The following WWOX variants were observed in gnomAD, a reference collection of about 807,000 sequenced individuals.
WWOX encodes WW domain-containing oxidoreductase.
In WWOX, 69 loss-of-function variants were observed where a neutral mutation model predicts 46.2. The observed-to-expected ratio is 1.49, with a 90% confidence interval of 1.23 to 1.82. WWOX has a LOEUF of 1.82. Among genes scored for constraint, WWOX ranks in the 40% most tolerant of loss-of-function variants. The pLI is 0.00. For missense variants in WWOX, 919 were observed against 542.6 expected (o/e 1.69, Z -6.89); for synonymous variants, 359 against 202.6 (o/e 1.77, Z -6.56).
chr16:78,124,422 A>G (rs1281098098), intron 4 of WWOX: 3 of 152,318 alleles, frequency 2.0e-5, no homozygotes, highest in Middle Eastern at 3.4e-3. Flanking sequence ...TTGGTATGAC[A>G]CAGACCTTCT....
chr16:78,938,057 A>T (rs1019586697), intron 8 of WWOX, among the ~76,000 whole-genome samples: 4 of 152,186 alleles, frequency 2.6e-5, no homozygotes, highest in African/African-American at 7.2e-5. Context: ...CACTTTCCCA[A>T]GTCTGGGCAG....
intron 8 of WWOX, among the ~76,000 whole-genome samples, chr16:78,996,688 A>G (rs903213062): frequency 6.6e-6 from 1 of 152,166 alleles, no homozygotes; most frequent in Non-Finnish European, 1.5e-5. Flanking sequence ...CAATATGGCA[A>G]ATATGGCCAG....
At chr16:78,678,075 C>G (rs1280886769) in intron 8 of WWOX, among the ~76,000 whole-genome samples, 1 of 152,184 alleles carries the variant, frequency 6.6e-6, no homozygotes, top group African/African-American at 2.4e-5. Context: ...TTTAATCTGT[C>G]TACTTGCTAA....
rs373972398 is a variant in WWOX, at chr16:78,636,457, C to G, written c.1056+203705C>G. Among the ~76,000 whole-genome samples the G allele has an allele frequency of 4.8e-4, 73 of 152,260 alleles. No individual in the cohort carries two copies. The South Asian group carries it at 0.014, about 29-fold the overall frequency. ...GAATAGTTGTTGCAAATGATAAGCT[C>G]TTTTGAATAAACTGATACTGACTTA... On this transcript the variant is annotated intron_variant, in intron 8 of 8. Transcript: ENST00000566780.
At chr16:78,109,390 A>G (rs147756846) in intron 2 of WWOX, among the ~76,000 whole-genome samples, 1 of 152,174 alleles carries the variant, frequency 6.6e-6, no homozygotes, top group Admixed American at 6.5e-5. Context: ...ACATGTGCAC[A>G]TGAAAAAAAA....
chr16:78,970,811 A>G (rs1350301955), intron 8 of WWOX, among the ~76,000 whole-genome samples: 2 of 152,144 alleles, frequency 1.3e-5, no homozygotes, highest in South Asian at 2.1e-4. Flanking sequence ...AAAAGGGAGT[A>G]TGTTGGTTCA....
At chr16:78,815,796 A>G (rs565694309) in intron 8 of WWOX, among the ~76,000 whole-genome samples, 2 of 152,320 alleles carry the variant, frequency 1.3e-5, no homozygotes, top group Non-Finnish European at 2.9e-5. Context: ...CCAGTGTTTC[A>G]GTGACCCTCC....
intron 8 of WWOX, among the ~76,000 whole-genome samples, chr16:78,952,483 G>A (rs527824585): frequency 1.3e-5 from 2 of 151,400 alleles, no homozygotes; most frequent in South Asian, 4.2e-4. Context: ...CCCAGGTTCA[G>A]GCGATTCTCC....
intron 8 of WWOX, among the ~76,000 whole-genome samples, chr16:78,680,062 G>A (rs1415425047): frequency 6.6e-6 from 1 of 152,214 alleles, no homozygotes; most frequent in East Asian, 1.9e-4. Flanking sequence ...CATCTGTAAA[G>A]TAGGGATAAC....
chr16:78,873,198 T>C (rs1436150964), intron 8 of WWOX: 1 of 152,216 alleles, frequency 6.6e-6, no homozygotes, highest in Non-Finnish European at 1.5e-5. Flanking sequence ...GCACTTATTA[T>C]GTATGTGCTT....
intron 8 of WWOX, among the ~76,000 whole-genome samples, chr16:79,164,188 C>G (rs985181013): frequency 1.3e-5 from 2 of 152,146 alleles, no homozygotes; most frequent in Admixed American, 6.5e-5. Context: ...ACTTTCATGT[C>G]TGTTTGACGT....
chr16:79,063,637 C>G (rs1474809437), intron 8 of WWOX, among the ~76,000 whole-genome samples: 8 of 152,214 alleles, frequency 5.3e-5, no homozygotes, highest in African/African-American at 1.9e-4. Flanking sequence ...GAAACACTGA[C>G]TCTTGCGCGC....
intron 8 of WWOX, among the ~76,000 whole-genome samples, chr16:78,641,016 C>T (rs757658200): frequency 6.6e-6 from 1 of 151,636 alleles, no homozygotes; most frequent in Non-Finnish European, 1.5e-5. Context: ...GGAAAGGAAC[C>T]AGCTGCAAAA....
intron 5 of WWOX, among the ~76,000 whole-genome samples, chr16:78,318,443 T>A (rs1001285286): frequency 6.6e-6 from 1 of 151,662 alleles, no homozygotes; most frequent in African/African-American, 2.4e-5. Context: ...CTGTCAAAAA[T>A]AATATTATTC....
intron 8 of WWOX, among the ~76,000 whole-genome samples, chr16:78,961,044 C>A (rs187443441): frequency 6.6e-6 from 1 of 152,122 alleles, no homozygotes; most frequent in African/African-American, 2.4e-5. Context: ...CTCCATACAT[C>A]TGGGCATGAT....
intron 5 of WWOX, among the ~76,000 whole-genome samples, chr16:78,282,520 G>C (rs1163555851): frequency 1.3e-5 from 2 of 152,142 alleles, no homozygotes; most frequent in Admixed American, 6.5e-5. Context: ...TAGTCTTCTT[G>C]TTCCACTGAT....
chr16:78,835,313 C>G (rs2051948590), intron 8 of WWOX, among the ~76,000 whole-genome samples: 1 of 152,158 alleles, frequency 6.6e-6, no homozygotes, highest in African/African-American at 2.4e-5. Context: ...CTACACCATT[C>G]AAAGCGTTGT....
At chr16:78,408,955 G>A (rs2082610532) in intron 6 of WWOX, among the ~76,000 whole-genome samples, 1 of 152,158 alleles carries the variant, frequency 6.6e-6, no homozygotes, top group African/African-American at 2.4e-5. Flanking sequence ...TTTTTCTACT[G>A]TACAGATGAG....
At chr16:78,887,860 A>G (rs572610873) in intron 8 of WWOX, among the ~76,000 whole-genome samples, 98 of 152,322 alleles carry the variant, frequency 6.4e-4, no homozygotes, top group African/African-American at 2.2e-3. Flanking sequence ...TAATTGGTTC[A>G]TGTCCTGGTG....
Sources: allele counts gnomAD v4.1 joint callset (sites outside exome capture counted in the v4.1 genomes callset), GRCh38; gene constraint gnomAD v4.1.1; transcripts MANE v1.5; gene names NCBI Gene and HGNC (gene_info 2026-07-23, HGNC 2026-07-21).